Variants in ARSB observed in about 807,000 individuals in gnomAD.
The protein encoded by ARSB is arylsulfatase B, also known as N-acetylgalactosamine-4-sulfatase.
A neutral mutation model predicts 50.9 loss-of-function variants in ARSB; 41 were observed. The observed-to-expected ratio is 0.81, with a 90% CI of 0.63 to 1.04. ARSB has a LOEUF of 1.04. Among genes scored for constraint, ARSB ranks in the 50% least tolerant of loss-of-function variants. The pLI is 0.00. For synonymous variants in ARSB, 269 were observed against 284.8 expected (o/e 0.94, Z 0.56); for missense variants, 672 against 693.3 (o/e 0.97, Z 0.35).
intron 4 of ARSB, among the ~76,000 whole-genome samples, chr5:78,920,351 C>A (rs760050026): frequency 2.6e-5 from 4 of 152,038 alleles, no homozygotes; most frequent in African/African-American, 7.2e-5. Context: ...TGAGACCAGC[C>A]TGAGCAACAT....
At chr5:78,817,097 T>TC in intron 6 of ARSB, 1 of 985,438 alleles carries the variant, frequency 1.0e-6, no homozygotes, top group Non-Finnish European at 1.2e-6. Flanking sequence ...AGCAGTACCC[T>TC]CCTTGTCTTC....
intron 4 of ARSB, among the ~76,000 whole-genome samples, chr5:78,951,110 G>A (rs369753119): frequency 3.9e-5 from 6 of 152,120 alleles, no homozygotes; most frequent in East Asian, 1.9e-4. Context: ...TTCTTTAAGC[G>A]GCTCACACTG....
chr5:78,863,438 C>T lies in ARSB; in HGVS notation c.1142+22146G>A, dbSNP rs142085960. ...AATACTGTACAGCCATAAAAAAGGA[C>T]GAGTTCATGTCCTTTGTAGGGACAT... is the stretch of plus-strand genomic sequence containing the variant. On this transcript the variant is annotated intron_variant, in intron 5 of 7. Coordinates refer to ENST00000264914, the MANE Select transcript of ARSB (RefSeq NM_000046.5). 1.2e-3 allele frequency among the ~76,000 whole-genome samples: 178 copies of T among 152,098 alleles called. 1 individual carries two copies. The highest frequency in any genetic ancestry group is 4.0e-3 in the African/African-American group (164 of 41,490).
chr5:78,828,869 G>A (rs936229166), intron 6 of ARSB, among the ~76,000 whole-genome samples: 2 of 152,200 alleles, frequency 1.3e-5, no homozygotes, highest in Non-Finnish European at 2.9e-5. Context: ...ATAGGGAGGT[G>A]ATTCTAGATT....
chr5:78,898,804 C>T (rs1396246957), intron 4 of ARSB, among the ~76,000 whole-genome samples: 1 of 152,182 alleles, frequency 6.6e-6, no homozygotes, highest in African/African-American at 2.4e-5. Context: ...TGGCTCATGT[C>T]TTTTGAGCTT....
At chr5:78,843,229 G>A (rs1469993622) in intron 5 of ARSB, among the ~76,000 whole-genome samples, 1 of 152,138 alleles carries the variant, frequency 6.6e-6, no homozygotes, top group Non-Finnish European at 1.5e-5. Context: ...GAACTGAATG[G>A]GGCCCAATAA....
At chr5:78,815,962 T>A in intron 6 of ARSB, 1 of 1,587,644 alleles carries the variant, frequency 6.3e-7, no homozygotes, top group South Asian at 1.1e-5. Context: ...AGGTTCCTAG[T>A]TCCCGCCTCT....
intron 6 of ARSB, among the ~76,000 whole-genome samples, chr5:78,799,936 AAAG>A (rs762839859): frequency 5.3e-5 from 8 of 152,204 alleles, no homozygotes; most frequent in Non-Finnish European, 7.3e-5. Context: ...TTTCTTGGGG[AAAG>A]AAGGATTGTG....
At chr5:78,977,646 A>T (rs1407918767) in intron 1 of ARSB, among the ~76,000 whole-genome samples, 1 of 152,236 alleles carries the variant, frequency 6.6e-6, no homozygotes, top group East Asian at 1.9e-4. Context: ...CTAAGATTGG[A>T]AACAAGACAA....
chr5:78,808,645 C>T (rs1016157611), intron 6 of ARSB, among the ~76,000 whole-genome samples: 2 of 152,204 alleles, frequency 1.3e-5, no homozygotes, highest in Non-Finnish European at 2.9e-5. Context: ...TCCCCGCACA[C>T]AGAAGCACTC....
chr5:78,964,750 C>T (rs376876764), intron 2 of ARSB, 144 bp from the exon 3 acceptor site: 2 of 795,568 alleles, frequency 2.5e-6, no homozygotes, highest in African/African-American at 1.7e-5. Context: ...CATTTCTCAA[C>T]ATGTCTATAT....
chr5:78,969,191 A>T lies in ARSB; in HGVS notation c.314T>A (p.Ile105Asn). 1 of 1,614,056 alleles carries T rather than the reference A, an allele frequency of 6.2e-7. No homozygotes were observed. The highest frequency in any genetic ancestry group is 8.5e-7 in the Non-Finnish European group (1 of 1,179,950). The change falls in exon 2 of 8, where the codon ATC becomes AAC. Residue 105 changes from isoleucine to asparagine, a missense_variant and splice_region_variant. Physicochemically the swap from Ile to Asn is moderately radical, Grantham distance 149. Coordinates refer to ENST00000264914, the MANE Select transcript of ARSB (RefSeq NM_000046.5). ...RSQLLTGRYQ[I>N]RTGLQHQIIW... Reference sequence around the variant, plus strand: ...TATTTGGTGCTGTAAACCTGTACGGATCTTACAGAGATAAACATAAAATTA... The same window carrying T: ...TATTTGGTGCTGTAAACCTGTACGGTTCTTACAGAGATAAACATAAAATTA...
intron 5 of ARSB, among the ~76,000 whole-genome samples, chr5:78,872,775 C>T (rs1017738666): frequency 7.5e-5 from 11 of 146,586 alleles, no homozygotes; most frequent in Non-Finnish European, 3.0e-5. Context: ...TGTAACTAAC[C>T]TGCACAATGT....
chr5:78,942,857 T>C (rs1264357903), intron 4 of ARSB, among the ~76,000 whole-genome samples: 1 of 152,214 alleles, frequency 6.6e-6, no homozygotes, highest in Non-Finnish European at 1.5e-5. Context: ...GTCTCATTGA[T>C]CTGTCTAATG....
chr5:78,918,221 C>T (rs1219995226), intron 4 of ARSB, among the ~76,000 whole-genome samples: 1 of 152,198 alleles, frequency 6.6e-6, no homozygotes, highest in Non-Finnish European at 1.5e-5. Flanking sequence ...ATTAAAACCA[C>T]TACTCTTAAT....
chr5:78,910,160 G>C (rs1749242175), intron 4 of ARSB, among the ~76,000 whole-genome samples: 1 of 152,314 alleles, frequency 6.6e-6, no homozygotes. Flanking sequence ...CATTCCTCTT[G>C]CTGAGATAGT....
At chr5:78,804,052 A>G (rs538627864) in intron 6 of ARSB, among the ~76,000 whole-genome samples, 1 of 152,306 alleles carries the variant, frequency 6.6e-6, no homozygotes, top group Non-Finnish European at 1.5e-5. Flanking sequence ...CAGGCACCCA[A>G]ATGGCTCTAA....
intron 6 of ARSB, among the ~76,000 whole-genome samples, chr5:78,818,700 C>T (rs1006960869): frequency 6.8e-6 from 1 of 146,888 alleles, no homozygotes; most frequent in African/African-American, 2.6e-5. Flanking sequence ...TCACTGCAAG[C>T]TCCGCCTCCT....
At chr5:78,859,525 G>A (rs1746321981) in intron 5 of ARSB, among the ~76,000 whole-genome samples, 1 of 152,138 alleles carries the variant, frequency 6.6e-6, no homozygotes, top group Non-Finnish European at 1.5e-5. Context: ...ACTGGCAACA[G>A]CGTTGGAAAC....
Sources: allele counts gnomAD v4.1 joint callset (sites outside exome capture counted in the v4.1 genomes callset), GRCh38; gene constraint gnomAD v4.1.1; transcripts MANE v1.5; gene names NCBI Gene and HGNC (gene_info 2026-07-23, HGNC 2026-07-21).